The following EXTL3 variants were observed in gnomAD, a reference collection of about 807,000 sequenced individuals.
The protein encoded by EXTL3 is exostosin like glycosyltransferase 3, also known as exostosin-like 3.
In EXTL3, 27 loss-of-function variants were observed where a neutral mutation model predicts 69.3. That is an observed-to-expected ratio of 0.39 (90% CI 0.29 to 0.54). The LOEUF is 0.54. EXTL3 is among the 20% of genes least tolerant of loss of function. The pLI is 0.69. For synonymous variants in EXTL3, 511 were observed against 499.4 expected (o/e 1.02, Z -0.31); for missense variants, 1,003 against 1,231.8 (o/e 0.81, Z 2.78).
At position 28,754,060 on chromosome 8, in the gene EXTL3, G is replaced by GTGTGTGTGTGTGTGTA. The variant is rs369285182; in HGVS notation, c.*3195_*3196insGTGTGTGTGTGTGTAT. The GTGTGTGTGTGTGTGTA allele has an allele frequency of 1.2e-4, 18 of 152,460 alleles. No individual in the cohort carries two copies. Among genetic ancestry groups the GTGTGTGTGTGTGTGTA allele is most frequent in the Non-Finnish European group, 2.3e-4 (16 of 68,468 alleles). 9.4% of individuals were successfully genotyped at this position (152,460 alleles called of 1,614,324 possible). A position where few individuals can be genotyped will look rare whatever the true frequency, so the allele number is the denominator to read the frequency against. ...TGTGTGTGTGTGTGTGTGTGTGTGT[G>GTGTGTGTGTGTGTGTA]TAGTGGTTGTGGGGAGCTGTGTGTG... On this transcript the variant is annotated 3_prime_UTR_variant, in exon 7 of 7. Transcript: ENST00000220562.
rs192749357 is a variant in EXTL3 at position 28,612,785 on chromosome 8, C to T, written n.314+5027C>T. Among the ~76,000 whole-genome samples, 759 of 152,196 alleles carry T rather than the reference C, an allele frequency of 5.0e-3. 8 individuals carry two copies. Among genetic ancestry groups the T allele is most frequent in the African/African-American group, 0.017 (714 of 41,524 alleles). ...CGAGGCTGGAGTGCAGTGGCACAATCATGGCTCACTGCATCCGCAACCTCC... is the reference window on the plus strand; with the variant it reads ...CGAGGCTGGAGTGCAGTGGCACAATTATGGCTCACTGCATCCGCAACCTCC... On this transcript the variant is annotated intron_variant and non_coding_transcript_variant, in intron 2 of 4. Transcript: ENST00000522725.
Position 28,665,250 on chromosome 8 carries a change from T to C in EXTL3, c.-53+42440T>C, listed in dbSNP as rs1299978569. Reference sequence around the variant, plus strand: ...CCACCATGCCTGACTCATTTTTGTATTTTTAGTAGAGACGGGGTTTTGCCA... The same window carrying C: ...CCACCATGCCTGACTCATTTTTGTACTTTTAGTAGAGACGGGGTTTTGCCA... On this transcript the variant is annotated intron_variant, in intron 1 of 6. Coordinates refer to the EXTL3 transcript ENST00000523149. Among the ~76,000 whole-genome samples, 3 of 151,252 alleles carry C rather than the reference T, an allele frequency of 2.0e-5. No homozygotes were observed. The South Asian group carries it at 6.3e-4, about 32-fold the overall frequency.
chr8:28,642,956 AC>A (rs981615849), intron 1 of EXTL3, among the ~76,000 whole-genome samples: 12 of 172 alleles, frequency 0.07, no homozygotes, highest in East Asian at 0.33. Context: ...AATAATAACA[AC>A]GGTGGGCCAG....
At chr8:28,704,818 G>A (rs1181597841) in intron 1 of EXTL3, among the ~76,000 whole-genome samples, 1 of 152,090 alleles carries the variant, frequency 6.6e-6, no homozygotes, top group African/African-American at 2.4e-5. Context: ...TTACAGGTGT[G>A]TGCCACCACA....
intron 2 of EXTL3, among the ~76,000 whole-genome samples, chr8:28,611,651 TG>T (rs1806272658): frequency 6.6e-6 from 1 of 152,266 alleles, no homozygotes; most frequent in East Asian, 1.9e-4. Context: ...GCATCTGAAA[TG>T]CAGGGATTTG....
intron 2 of EXTL3, among the ~76,000 whole-genome samples, chr8:28,612,452 A>G (rs1806283157): frequency 6.7e-6 from 1 of 149,570 alleles, no homozygotes; most frequent in South Asian, 2.1e-4. Flanking sequence ...ACGGAGCGAG[A>G]CTCCATCTCT....
chr8:28,691,542 A>G (rs1800612036), intron 1 of EXTL3, among the ~76,000 whole-genome samples: 1 of 146,246 alleles, frequency 6.8e-6, no homozygotes, highest in Non-Finnish European at 1.5e-5. Flanking sequence ...AGGAAGCCAC[A>G]GAGTTGGTAA....
At chr8:28,656,154 C>A (rs868185858) in intron 1 of EXTL3, among the ~76,000 whole-genome samples, 2 of 149,854 alleles carry the variant, frequency 1.3e-5, no homozygotes, top group African/African-American at 2.5e-5. Context: ...TATCCGTGAG[C>A]AATCAGAAGG....
At position 28,717,296 on chromosome 8, in the gene EXTL3, G is replaced by A. The variant is rs764102321; in HGVS notation, c.1237G>A (p.Ala413Thr). The change falls in exon 3 of 7, where the codon GCA becomes ACA. Residue 413 changes from alanine (A) to threonine (T), a missense_variant. By Grantham distance (58) the Ala-to-Thr change is moderately conservative. Transcript: ENST00000220562. This position sits in a 1 kb window ranked among gnomAD's most constrained non-coding sequence, Gnocchi z 8.3. ...CAAACCCAGCCTGCCGACTGAGTGG[G>A]CACTGTGTGGAGAGCGGGAGGACCG... ...QPKPSLPTEW[A>T]LCGEREDRLE... is the part of the protein sequence containing the mutation. The A allele has an allele frequency of 1.9e-5, 30 of 1,614,274 alleles. No homozygotes were observed. The highest frequency in any genetic ancestry group is 2.5e-5 in the Non-Finnish European group (29 of 1,180,046).
intron 4 of EXTL3, among the ~76,000 whole-genome samples, chr8:28,731,576 C>T (rs1801539422): frequency 6.6e-6 from 1 of 152,154 alleles, no homozygotes; most frequent in Admixed American, 6.5e-5. Context: ...CCTCTGTGGC[C>T]AGGAAGGTGG....
intron 2 of EXTL3, among the ~76,000 whole-genome samples, chr8:28,610,750 T>G (rs1806260777): frequency 6.6e-6 from 1 of 151,720 alleles, no homozygotes; most frequent in African/African-American, 2.4e-5. Context: ...GTTTCTTTTT[T>G]TTTTTTTTTT....
At chr8:28,711,588 C>G (rs1031870279) in intron 1 of EXTL3, among the ~76,000 whole-genome samples, 1 of 152,180 alleles carries the variant, frequency 6.6e-6, no homozygotes, top group East Asian at 1.9e-4. Flanking sequence ...CCCAAATTCT[C>G]AAGGCTGAGC....
chr8:28,679,717 G>A (rs1479057696), intron 1 of EXTL3, among the ~76,000 whole-genome samples: 3 of 129,572 alleles, frequency 2.3e-5, no homozygotes, highest in African/African-American at 8.9e-5. Flanking sequence ...AGCAAGACCC[G>A]ACCCTACCTC....
At chr8:28,708,192 C>T (rs1485435729) in intron 1 of EXTL3, among the ~76,000 whole-genome samples, 1 of 152,192 alleles carries the variant, frequency 6.6e-6, no homozygotes, top group Non-Finnish European at 1.5e-5. Context: ...ATAATCTTCA[C>T]TCTTCAGTCA....
upstream of EXTL3, among the ~76,000 whole-genome samples, chr8:28,621,617 T>A (rs1482113140): frequency 6.6e-6 from 1 of 152,274 alleles, no homozygotes; most frequent in Admixed American, 6.5e-5. Context: ...CGCCTCAGAA[T>A]GTTTTCTTCC....
chr8:28,738,320 G>A (rs931550602), intron 5 of EXTL3, among the ~76,000 whole-genome samples: 3 of 152,158 alleles, frequency 2.0e-5, no homozygotes, highest in South Asian at 2.1e-4. Flanking sequence ...GAATGGAGAC[G>A]TGCTGTTCAG....
At chr8:28,622,458 G>C (rs1040565923), upstream of EXTL3, among the ~76,000 whole-genome samples, 1 of 152,168 alleles carries the variant, frequency 6.6e-6, no homozygotes. Flanking sequence ...GGGCCTGCAC[G>C]ACAGTCTTGA....
At position 28,632,833 on chromosome 8, in the gene EXTL3, C is replaced by T. The variant is rs371319375; in HGVS notation, c.-53+10023C>T. ...CCTCCCAAAGTGCTGTGATTACAGG[C>T]GTGAGCCACTATGCCCAGCCACATT... On this transcript the variant is annotated intron_variant, in intron 1 of 6. Coordinates refer to the EXTL3 transcript ENST00000523149. Among the ~76,000 whole-genome samples, 289 of 152,050 alleles carry T rather than the reference C, an allele frequency of 1.9e-3. 1 individual carries two copies. The highest frequency in any genetic ancestry group is 6.5e-3 in the African/African-American group (271 of 41,500).
intron 1 of EXTL3, among the ~76,000 whole-genome samples, chr8:28,687,567 G>C (rs1467120505): frequency 6.6e-6 from 1 of 152,210 alleles, no homozygotes; most frequent in Admixed American, 6.5e-5. Context: ...TGGTTTGGAT[G>C]ACTGTGAAAA....
Sources: gnomAD v4.1 joint callset for allele counts (sites outside exome capture counted in the v4.1 genomes callset) on GRCh38, gnomAD v4.1.1 for gene constraint, Gnocchi (gnomAD v3.1) non-coding constraint, MANE v1.5 for transcripts, NCBI Gene and HGNC (gene_info 2026-07-23, HGNC 2026-07-21) for gene names.